NT5DC3: variants seen among roughly 807,000 people sequenced by gnomAD.
The protein encoded by NT5DC3 is 5'-nucleotidase domain containing 3, also known as 5'-nucleotidase domain-containing protein 3.
A neutral mutation model predicts 67.8 loss-of-function variants in NT5DC3; 42 were observed. The ratio of observed to expected loss-of-function variants is 0.62; its 90% confidence interval spans 0.48 to 0.80. The LOEUF (loss-of-function observed/expected upper bound fraction) is 0.80, where lower values mean the gene tolerates loss of function less well. Among genes scored for constraint, NT5DC3 ranks in the 30% least tolerant of loss-of-function variants. The pLI, the probability that NT5DC3 is intolerant of heterozygous loss-of-function variation, is 0.00. For synonymous variants in NT5DC3, 237 were observed against 255.6 expected (o/e 0.93, Z 0.69); for missense variants, 570 against 696.4 (o/e 0.82, Z 2.04).
chr12:103,778,540 AAAAC>A (rs970929661), intron 13 of NT5DC3, among the ~76,000 whole-genome samples: 74 of 151,980 alleles, frequency 4.9e-4, no homozygotes, highest in African/African-American at 1.7e-3. Flanking sequence ...CACAAAAACA[AAAAC>A]AAACAAACAA....
intron 1 of NT5DC3, among the ~76,000 whole-genome samples, chr12:103,840,314 C>A (rs188141981): frequency 1.7e-3 from 258 of 152,212 alleles, no homozygotes; most frequent in African/African-American, 6.0e-3. Flanking sequence ...CCCTCCTCAC[C>A]GAGGTTAATG....
intron 4 of NT5DC3, among the ~76,000 whole-genome samples, chr12:103,803,894 A>T (rs886494529): frequency 6.7e-6 from 1 of 148,488 alleles, no homozygotes; most frequent in South Asian, 2.2e-4. Context: ...AGGGACTCCA[A>T]CTATCCCTTG....
Position 103,777,308 on chromosome 12 carries a change from A to C in NT5DC3, c.*521T>G, listed in dbSNP as rs1025483731. 1.3e-5 allele frequency: 2 copies of C among 157,088 alleles called. No homozygotes were observed. Among genetic ancestry groups the C allele is most frequent in the African/African-American group, 4.8e-5 (2 of 41,466 alleles). The allele number at this position is 157,088 out of a possible 1,614,324, so 9.7% of individuals were successfully genotyped here. The stretch of plus-strand genomic sequence containing the variant: ...CCAGAATGTCAAAGCCTTAGTACCA[A>C]ATGATTTGGGAACTGGCCATCACCT... On this transcript the variant is annotated 3_prime_UTR_variant, in exon 14 of 14. Coordinates refer to ENST00000392876, the MANE Select transcript of NT5DC3 (RefSeq NM_001031701.3).
chr12:103,753,124 G>A, the NT5DC3 span: 2 of 1,511,650 alleles, frequency 1.3e-6, no homozygotes, highest in Non-Finnish European at 1.8e-6. Context: ...CTGGGGTATA[G>A]CTGGCCTTCA....
chr12:103,777,725 C>A lies in NT5DC3; in HGVS notation c.*104G>T. Reference sequence around the variant, plus strand: ...AAGGTACAAAATAAATATCAAAAGGCTTATCTGTATCTTTTCCAAAAGCAA... The same window carrying A: ...AAGGTACAAAATAAATATCAAAAGGATTATCTGTATCTTTTCCAAAAGCAA... On this transcript the variant is annotated 3_prime_UTR_variant, in exon 14 of 14. Transcript: ENST00000392876. The A allele has an allele frequency of 7.9e-7, 1 of 1,271,302 alleles. No homozygotes were observed. The allele number at this position is 1,271,302 out of a possible 1,614,324, so 78.8% of individuals were successfully genotyped here.
At chr12:103,766,053 G>C (rs185468072), downstream of NT5DC3, 529 of 669,668 alleles carry the variant, frequency 7.9e-4, no homozygotes, top group African/African-American at 8.4e-3. Flanking sequence ...GCCGAGTTGG[G>C]ATGATTTGTC....
chr12:103,831,587 T>A lies in NT5DC3; in HGVS notation c.208+9362A>T, dbSNP rs193172234. 4.6e-5 allele frequency among the ~76,000 whole-genome samples: 7 copies of A among 152,080 alleles called. No homozygotes were observed. The East Asian group carries it at 1.4e-3, about 29-fold the overall frequency. The stretch of plus-strand genomic sequence containing the variant: ...CCAAAAGAGAGAAGTTTCTCTATTG[T>A]CTCCCTGCACGGAAGGAAGCACTCT... On this transcript the variant is annotated intron_variant, in intron 1 of 13. Transcript: ENST00000392876.
chr12:103,790,694 CT>C (rs67812943), intron 9 of NT5DC3, among the ~76,000 whole-genome samples: 2,524 of 74,380 alleles, frequency 0.034, 25 homozygotes, highest in African/African-American at 0.051. Context: ...CCAAGTACAT[CT>C]TTTTTTTTTT....
chr12:103,816,179 T>G (rs765283266), intron 1 of NT5DC3, among the ~76,000 whole-genome samples: 9 of 152,172 alleles, frequency 5.9e-5, no homozygotes, highest in Non-Finnish European at 8.8e-5. Context: ...ATCCAAAACG[T>G]TTGGGAACAG....
At position 103,785,392 on chromosome 12, in the gene NT5DC3, T is replaced by C. The variant is rs1885719830; in HGVS notation, c.1272A>G (p.Gln424=). ...RSELKIMNTE[Q]YIQTMTWLQT... ...GCAGCCAGGTCATGGTTTGAATGTATTGCTCCGTGTTCATGATTTTGAGCT... is the reference window on the plus strand; with the variant it reads ...GCAGCCAGGTCATGGTTTGAATGTACTGCTCCGTGTTCATGATTTTGAGCT... Residue 424 remains glutamine (Q), a synonymous_variant, in exon 12 of 14, where the codon CAA becomes CAG. Transcript: ENST00000392876. 4 of 1,614,078 alleles carry C rather than the reference T, an allele frequency of 2.5e-6. No homozygotes were observed. The East Asian group carries it at 8.9e-5, about 36-fold the overall frequency.
rs1886346591 is a variant in NT5DC3 at position 103,797,012 on chromosome 12, A to G, written c.635T>C (p.Met212Thr). 1 of 1,614,072 alleles carries G rather than the reference A, an allele frequency of 6.2e-7. No individual in the cohort carries two copies. The highest frequency in any genetic ancestry group is 8.5e-7 in the Non-Finnish European group (1 of 1,180,036). The change falls in exon 6 of 14, where the codon ATG becomes ACG. Residue 212 changes from methionine (M) to threonine (T), a missense_variant. Physicochemically the swap from Met to Thr is moderately conservative, Grantham distance 81. Transcript: ENST00000392876. ...FYGKSSHGNT[M>T]KQFMDIFSLP... Reference sequence around the variant, plus strand: ...GGAGAAGATGTCCATGAACTGCTTCATCGTGTTTCCATGAGAGCTCTGCAG... The same window carrying G: ...GGAGAAGATGTCCATGAACTGCTTCGTCGTGTTTCCATGAGAGCTCTGCAG...
At chr12:103,759,080 C>T in the NT5DC3 span, 52 of 1,613,604 alleles carry the variant, frequency 3.2e-5, no homozygotes, top group Middle Eastern at 1.6e-4. Flanking sequence ...ATTAAAAAGA[C>T]AAAATATTGC....
chr12:103,811,301 A>G (rs2139408195), intron 2 of NT5DC3, among the ~76,000 whole-genome samples: 1 of 152,212 alleles, frequency 6.6e-6, no homozygotes, highest in Non-Finnish European at 1.5e-5. Flanking sequence ...CGGGGAAGCA[A>G]GCCGGGAGCA....
At chr12:103,815,218 G>T in intron 1 of NT5DC3, 97 bp from the exon 2 acceptor site, 1 of 737,534 alleles carries the variant, frequency 1.4e-6, no homozygotes, top group Non-Finnish European at 2.1e-6. Flanking sequence ...CTATAAAAGA[G>T]ATTTGCTTCA....
chr12:103,823,697 T>C (rs1416356279), intron 1 of NT5DC3, among the ~76,000 whole-genome samples: 2 of 152,222 alleles, frequency 1.3e-5, no homozygotes, highest in Non-Finnish European at 2.9e-5. Flanking sequence ...ATTGAAAACA[T>C]CAAGGTTTCA....
intron 4 of NT5DC3, among the ~76,000 whole-genome samples, chr12:103,799,928 G>T (rs1886494593): frequency 1.3e-5 from 2 of 152,054 alleles, no homozygotes; most frequent in Non-Finnish European, 2.9e-5. Flanking sequence ...GTCAGGAGGG[G>T]AAACACCTGC....
chr12:103,838,894 T>C (rs920185230), intron 1 of NT5DC3, among the ~76,000 whole-genome samples: 1 of 152,232 alleles, frequency 6.6e-6, no homozygotes. Context: ...AGCCTAACAT[T>C]TTTGAAATGA....
chr12:103,746,804 C>A, the NT5DC3 span: 1 of 1,174,016 alleles, frequency 8.5e-7, no homozygotes, highest in Non-Finnish European at 1.3e-6. Flanking sequence ...TCCTTCCTGT[C>A]TGGGCCACTT....
the NT5DC3 span, chr12:103,750,720 G>A: frequency 6.2e-6 from 10 of 1,612,198 alleles, no homozygotes; most frequent in Non-Finnish European, 8.5e-6. Flanking sequence ...CCACTTCCAG[G>A]GTTAGTGTGA....
Sources: allele counts gnomAD v4.1 joint callset (sites outside exome capture counted in the v4.1 genomes callset), GRCh38; gene constraint gnomAD v4.1.1; transcripts MANE v1.5; gene names NCBI Gene and HGNC (gene_info 2026-07-23, HGNC 2026-07-21).